The following RGR variants were observed in gnomAD, a reference collection of about 807,000 sequenced individuals.
RGR encodes retinal G protein coupled receptor, also known as RPE-retinal G protein-coupled receptor.
A neutral mutation model predicts 28.6 loss-of-function variants in RGR; 30 were observed. That is an observed-to-expected ratio of 1.05 (90% CI 0.78 to 1.42). RGR has a LOEUF of 1.42. RGR is among the 40% of genes most tolerant of loss of function. The pLI is 0.00. For synonymous variants in RGR, 180 were observed against 156.4 expected (o/e 1.15, Z -1.13); for missense variants, 404 against 375.6 (o/e 1.08, Z -0.62).
intron 3 of RGR, 136 bp from the exon 4 acceptor site, chr10:84,252,721 A>C (rs976335772): frequency 7.0e-6 from 8 of 1,140,490 alleles, no homozygotes; most frequent in Non-Finnish European, 1.0e-5. Flanking sequence ...TCAATCCTGT[A>C]ATCCCAGCAC....
Position 84,245,127 on chromosome 10 carries a change from G to A in RGR, c.37G>A (p.Glu13Lys). The A allele has an allele frequency of 6.2e-7, 1 of 1,613,450 alleles. No homozygotes were observed. Among genetic ancestry groups the A allele is most frequent in the Non-Finnish European group, 8.5e-7 (1 of 1,179,866 alleles). Reference sequence around the variant, plus strand: ...CAGTGCCCTGCCCACTGGCTTCGGGGAGCTCGAGGTGCTGGCTGTGGGGAT... The same window carrying A: ...CAGTGCCCTGCCCACTGGCTTCGGGAAGCTCGAGGTGCTGGCTGTGGGGAT... ...ETSALPTGFG[E>K]LEVLAVGMVL... is the part of the protein sequence containing the mutation. Residue 13 changes from glutamate to lysine, a missense_variant, in exon 1 of 7, where the codon GAG becomes AAG. Physicochemically the swap from Glu to Lys is moderately conservative, Grantham distance 56. Coordinates refer to ENST00000652092, the MANE Select transcript of RGR (RefSeq NM_001012720.2).
At chr10:84,249,072 G>C (rs1250702347) in intron 3 of RGR, 29 bp downstream of exon 3, 1 of 1,613,204 alleles carries the variant, frequency 6.2e-7, no homozygotes, top group Non-Finnish European at 8.5e-7. Flanking sequence ...GGAGTGGAGG[G>C]ACACCGATGC....
intron 3 of RGR, among the ~76,000 whole-genome samples, chr10:84,251,375 G>T (rs1170714987): frequency 6.6e-6 from 1 of 152,134 alleles, no homozygotes; most frequent in East Asian, 1.9e-4. Context: ...GAATGCCATC[G>T]ACTCGGTGGC....
At chr10:84,247,156 A>C (rs1254116154) in intron 1 of RGR, among the ~76,000 whole-genome samples, 1 of 152,132 alleles carries the variant, frequency 6.6e-6, no homozygotes, top group Non-Finnish European at 1.5e-5. Flanking sequence ...CGTCCTGGGC[A>C]GCTCCCAGCT....
Position 84,248,759 on chromosome 10 carries a change from A to T in RGR, c.237-163A>T, listed in dbSNP as rs1403856419. 2.3e-6 allele frequency: 3 copies of T among 1,292,970 alleles called. No homozygotes were observed. The African/African-American group carries it at 4.4e-5, about 19-fold the overall frequency. The allele number at this position is 1,292,970 out of a possible 1,614,324, so 80.1% of individuals were successfully genotyped here. A position where few individuals can be genotyped will look rare whatever the true frequency, so the allele number is the denominator to read the frequency against. On this transcript the variant is annotated intron_variant, in intron 2 of 6. Transcript: ENST00000652092. ...GCATTGGGCTCCACCCCTTCAGCCCAGTTACTTGAGCTCCAACGCCTCATA... is the reference window on the plus strand; with the variant it reads ...GCATTGGGCTCCACCCCTTCAGCCCTGTTACTTGAGCTCCAACGCCTCATA...
chr10:84,249,055 GGCTCCTGGA>G lies in RGR; in HGVS notation c.358+14_358+22del, dbSNP rs1842783875. The G allele has an allele frequency of 1.9e-6, 3 of 1,613,544 alleles. No homozygotes were observed. Among genetic ancestry groups the G allele is most frequent in the Non-Finnish European group, 1.7e-6 (2 of 1,179,662 alleles). ...CCACTACTGCACCCGTATGTATCTGGGCTCCTGGAGTGGAGGGACACCGATGCAGTGTGG... is the reference window on the plus strand; with the variant it reads ...CCACTACTGCACCCGTATGTATCTGGGTGGAGGGACACCGATGCAGTGTGG... On this transcript the variant is annotated intron_variant, in intron 3 of 6. Coordinates refer to ENST00000652092, the MANE Select transcript of RGR (RefSeq NM_001012720.2).
intron 1 of RGR, 94 bp from the exon 2 acceptor site, chr10:84,247,497 G>A: frequency 7.2e-7 from 1 of 1,388,526 alleles, no homozygotes; most frequent in Admixed American, 1.7e-5. Context: ...TGTCTGTCCA[G>A]GAGGTTGCTG....
intron 5 of RGR, among the ~76,000 whole-genome samples, chr10:84,254,678 T>C (rs927687430): frequency 4.6e-5 from 7 of 152,198 alleles, no homozygotes; most frequent in Non-Finnish European, 7.3e-5. Context: ...TATATGTTTA[T>C]TTTTCTTCTC....
intron 3 of RGR, chr10:84,250,548 A>ACACACACC: frequency 1.6e-6 from 1 of 630,712 alleles, no homozygotes; most frequent in Non-Finnish European, 3.0e-6. Flanking sequence ...ACACACACAC[A>ACACACACC]CACACACCAC....
chr10:84,254,164 C>T (rs928452284), intron 4 of RGR, among the ~76,000 whole-genome samples, 162 bp from the exon 5 acceptor site: 1 of 152,186 alleles, frequency 6.6e-6, no homozygotes, highest in Non-Finnish European at 1.5e-5. Flanking sequence ...TCCCTGGCTC[C>T]TAAAGGGAGT....
chr10:84,248,237 C>T, intron 2 of RGR: 6 of 1,217,414 alleles, frequency 4.9e-6, no homozygotes, highest in Non-Finnish European at 5.3e-6. Context: ...AGTGGAGGGA[C>T]ACCGATGCAG....
At position 84,259,899 on chromosome 10, in the gene RGR, C is replaced by G. The variant is rs1037516427; in HGVS notation, c.*1260C>G. The stretch of plus-strand genomic sequence containing the variant: ...TCTCCGGTTCTGCACGTTGTTCATT[C>G]TGTTGATGGTTTATTTTGCTGTGCA... On this transcript the variant is annotated 3_prime_UTR_variant, in exon 7 of 7. Coordinates refer to ENST00000652092, the MANE Select transcript of RGR (RefSeq NM_001012720.2). The G allele has an allele frequency of 6.6e-6, 1 of 152,062 alleles. No homozygotes were observed. Among genetic ancestry groups the G allele is most frequent in the African/African-American group, 2.4e-5 (1 of 41,414 alleles). 9.4% of individuals were successfully genotyped at this position (152,062 alleles called of 1,614,324 possible). A position where few individuals can be genotyped will look rare whatever the true frequency, so the allele number is the denominator to read the frequency against.
chr10:84,253,109 A>C, intron 4 of RGR, 99 bp downstream of exon 4: 1 of 1,348,616 alleles, frequency 7.4e-7, no homozygotes, highest in Non-Finnish European at 1.0e-6. Flanking sequence ...AAATGGGGAA[A>C]TGTCAACGTT....
intron 3 of RGR, among the ~76,000 whole-genome samples, chr10:84,252,465 C>T (rs1842830440): frequency 6.6e-6 from 1 of 152,194 alleles, no homozygotes; most frequent in Non-Finnish European, 1.5e-5. Flanking sequence ...TATTTGGAGA[C>T]CTTCACCATC....
intron 1 of RGR, among the ~76,000 whole-genome samples, chr10:84,247,214 T>C (rs566886353): frequency 6.6e-6 from 1 of 152,284 alleles, no homozygotes; most frequent in African/African-American, 2.4e-5. Flanking sequence ...TGCTCTACAG[T>C]CCTTGGAGAA....
intron 3 of RGR, among the ~76,000 whole-genome samples, chr10:84,251,724 A>G (rs1842820760): frequency 6.6e-6 from 1 of 152,182 alleles, no homozygotes; most frequent in Admixed American, 6.5e-5. Flanking sequence ...GTCCCTTCTT[A>G]TAAGGGCACT....
chr10:84,257,829 T>C, intron 5 of RGR, 64 bp from the exon 6 acceptor site: 2 of 1,443,694 alleles, frequency 1.4e-6, no homozygotes, highest in Non-Finnish European at 1.9e-6. Context: ...CTGGTTTTCT[T>C]GGCCACATAG....
At chr10:84,254,494 C>A in intron 5 of RGR, 51 bp downstream of exon 5, 2 of 1,436,464 alleles carry the variant, frequency 1.4e-6, no homozygotes, top group Non-Finnish European at 2.0e-6. Context: ...CAGCTCCAGG[C>A]TCTTGGTGTC....
chr10:84,250,485 C>T (rs1564549365), intron 3 of RGR: 1 of 715,660 alleles, frequency 1.4e-6, no homozygotes, highest in South Asian at 1.5e-5. Flanking sequence ...ACATCCCAGC[C>T]CCTGCCCCTA....
Sources: allele counts gnomAD v4.1 joint callset (sites outside exome capture counted in the v4.1 genomes callset), GRCh38; gene constraint gnomAD v4.1.1; transcripts MANE v1.5; gene names NCBI Gene and HGNC (gene_info 2026-07-23, HGNC 2026-07-21).